Variants in GPHN observed in about 807,000 individuals in gnomAD.
The protein encoded by GPHN is gephyrin.
In GPHN, 17 loss-of-function variants were observed where a neutral mutation model predicts 95.5. That is an observed-to-expected ratio of 0.18 (90% CI 0.12 to 0.27). The LOEUF is 0.27. Ranked by LOEUF, GPHN falls within the 10% of genes least tolerant of loss-of-function variation. The pLI, the probability that GPHN is intolerant of heterozygous loss-of-function variation, is 1.00. For synonymous variants in GPHN, 320 were observed against 322.5 expected, an observed-to-expected ratio of 0.99 and a Z score of 0.08; for missense variants, 660 against 978.1, an observed-to-expected ratio of 0.67 and a Z score of 4.34.
the GPHN span, among the ~76,000 whole-genome samples, chr14:67,498,957 C>T: frequency 1.3e-5 from 2 of 150,094 alleles, no homozygotes; most frequent in Admixed American, 1.3e-4. Context: ...GCAGGAGCCA[C>T]TGAGCCCAGA....
chr14:67,701,024 C>CA, the GPHN span, among the ~76,000 whole-genome samples: 18,431 of 67,398 alleles, frequency 0.27, 2,342 homozygotes, highest in East Asian at 0.34. Flanking sequence ...AATTTCATCT[C>CA]AAAAAAAAAA....
the GPHN span, among the ~76,000 whole-genome samples, chr14:67,285,457 C>G: frequency 6.6e-6 from 1 of 151,638 alleles, no homozygotes; most frequent in African/African-American, 2.4e-5. Context: ...AGCTCCACCT[C>G]CCAGGTTCAC....
chr14:67,497,828 G>A, the GPHN span, among the ~76,000 whole-genome samples: 1 of 151,942 alleles, frequency 6.6e-6, no homozygotes, highest in African/African-American at 2.4e-5. Context: ...TGTATCTTGT[G>A]GGTGTTTGTG....
At chr14:67,734,974 A>G in the GPHN span, among the ~76,000 whole-genome samples, 1 of 152,214 alleles carries the variant, frequency 6.6e-6, no homozygotes, top group African/African-American at 2.4e-5. Flanking sequence ...TCATTTAAAG[A>G]CATTTTGTTA....
the GPHN span, chr14:67,385,284 G>GT: frequency 1.3e-5 from 2 of 152,142 alleles, no homozygotes; most frequent in Non-Finnish European, 2.9e-5. Flanking sequence ...TGGCAAAGAA[G>GT]TAAGTTTATC....
chr14:66,662,558 T>A (rs1464146458), intron 1 of GPHN, among the ~76,000 whole-genome samples: 2 of 152,160 alleles, frequency 1.3e-5, no homozygotes, highest in Non-Finnish European at 2.9e-5. Flanking sequence ...AAAGCCACAG[T>A]GCCCTCTTCT....
chr14:67,585,967 A>T, the GPHN span: 25 of 1,613,272 alleles, frequency 1.5e-5, no homozygotes, highest in Non-Finnish European at 2.1e-5. Flanking sequence ...CACATCACTT[A>T]CCCCTACTCT....
chr14:67,239,462 A>T, the GPHN span, among the ~76,000 whole-genome samples: 2 of 152,334 alleles, frequency 1.3e-5, no homozygotes, highest in East Asian at 3.9e-4. Flanking sequence ...TCCAGCCCAA[A>T]TGTCAATAGT....
the GPHN span, among the ~76,000 whole-genome samples, chr14:67,665,824 T>C: frequency 6.6e-6 from 1 of 152,118 alleles, no homozygotes; most frequent in Admixed American, 6.5e-5. Flanking sequence ...ATTTTCTCCA[T>C]ACCACTCACA....
At chr14:67,226,702 G>C in the GPHN span, among the ~76,000 whole-genome samples, 2 of 152,180 alleles carry the variant, frequency 1.3e-5, no homozygotes, top group Non-Finnish European at 2.9e-5. Context: ...GATGCACACT[G>C]TAGGTGAAAG....
the GPHN span, chr14:67,473,977 G>T: frequency 1.3e-6 from 2 of 1,529,878 alleles, no homozygotes; most frequent in Non-Finnish European, 1.8e-6. This position sits in a 1 kb window ranked among gnomAD's most constrained non-coding sequence, Gnocchi z 6.5. Flanking sequence ...TGAGGGCCGG[G>T]CGCGGTGGCT....
chr14:66,535,399 T>C lies in GPHN; in HGVS notation c.64+26808T>C, dbSNP rs569282968. 2.0e-5 allele frequency among the ~76,000 whole-genome samples: 3 copies of C among 152,280 alleles called. No homozygotes were observed. In the East Asian group the frequency reaches 5.8e-4, roughly 29 times the overall value. ...AAATCTTGGTATCTGGTGGTATAAG[T>C]TCCTTCAATTTTATTTCTTCTTCAA... On this transcript the variant is annotated intron_variant, in intron 1 of 22. Transcript: ENST00000478722.
intron 9 of GPHN, among the ~76,000 whole-genome samples, chr14:66,972,725 T>C (rs1474723227): frequency 6.6e-6 from 1 of 152,074 alleles, no homozygotes; most frequent in Non-Finnish European, 1.5e-5. Flanking sequence ...CATATAATAT[T>C]GTAATTACTC....
intron 5 of GPHN, among the ~76,000 whole-genome samples, chr14:66,881,110 A>G (rs1430442310): frequency 2.6e-5 from 4 of 152,002 alleles, no homozygotes; most frequent in African/African-American, 9.7e-5. Context: ...CAAAGTTTAT[A>G]TCCCATCAGT....
the GPHN span, among the ~76,000 whole-genome samples, chr14:67,341,308 C>T: frequency 6.6e-6 from 1 of 151,938 alleles, no homozygotes; most frequent in Non-Finnish European, 1.5e-5. Flanking sequence ...AGGTGAGGAG[C>T]GTCTCTGCCC....
At chr14:66,903,492 G>A (rs1031162635) in intron 5 of GPHN, among the ~76,000 whole-genome samples, 27 of 152,132 alleles carry the variant, frequency 1.8e-4, no homozygotes, top group African/African-American at 6.0e-4. Flanking sequence ...CAGTTGCATG[G>A]AATATCACTT....
At chr14:66,787,006 A>C (rs1241681857) in intron 3 of GPHN, among the ~76,000 whole-genome samples, 1 of 152,174 alleles carries the variant, frequency 6.6e-6, no homozygotes, top group Non-Finnish European at 1.5e-5. Context: ...TAGTACTAGA[A>C]ATGCTAGGTA....
intron 1 of GPHN, among the ~76,000 whole-genome samples, chr14:66,544,015 G>A (rs1215960361): frequency 6.6e-6 from 1 of 152,202 alleles, no homozygotes; most frequent in East Asian, 1.9e-4. Flanking sequence ...GCCTAAAAGG[G>A]CGTATAGGAT....
At chr14:66,710,612 A>T (rs1566852484) in intron 2 of GPHN, among the ~76,000 whole-genome samples, 1 of 152,196 alleles carries the variant, frequency 6.6e-6, no homozygotes, top group African/African-American at 2.4e-5. Context: ...CAGGTAGAAC[A>T]TCTGTTAAGG....
Sources: gnomAD v4.1 joint callset for allele counts (sites outside exome capture counted in the v4.1 genomes callset) on GRCh38, gnomAD v4.1.1 for gene constraint, Gnocchi (gnomAD v3.1) non-coding constraint, MANE v1.5 for transcripts, NCBI Gene and HGNC (gene_info 2026-07-23, HGNC 2026-07-21) for gene names.